The following ARHGEF18 variants were observed in gnomAD, a reference collection of about 807,000 sequenced individuals.
ARHGEF18 encodes rho guanine nucleotide exchange factor 18.
ARHGEF18 carries 93 observed loss-of-function variants against 155.7 expected under a neutral mutation model. The observed-to-expected ratio is 0.60, with a 90% CI of 0.50 to 0.71. ARHGEF18 has a LOEUF of 0.71. ARHGEF18 is among the 30% of genes least tolerant of loss of function. ARHGEF18 has a pLI of 0.00. For missense variants in ARHGEF18, 1,593 were observed against 1,816.1 expected (o/e 0.88, Z 2.23); for synonymous variants, 742 against 753.1 (o/e 0.99, Z 0.24).
At chr19:7,385,837 C>CTCTA (rs1235564813) in intron 10 of ARHGEF18, among the ~76,000 whole-genome samples, 71 of 50,134 alleles carry the variant, frequency 1.4e-3, no homozygotes, top group African/African-American at 5.6e-3. Context: ...CTCTCTATCT[C>CTCTA]TCTCTCTCTC....
rs1219743002 is a variant in ARHGEF18, at chr19:7,464,657, C to T, written c.2871C>T (p.Asp957=). 6.2e-7 allele frequency: 1 copy of T among 1,613,944 alleles called. No individual in the cohort carries two copies. The highest frequency in any genetic ancestry group is 8.5e-7 in the Non-Finnish European group (1 of 1,180,008). Residue 957 remains aspartate (D), a synonymous_variant, in exon 23 of 29, where the codon GAC becomes GAT. Transcript: ENST00000668164. ...NSPDLKLSDS[D]IPGSSEESPQ... is the part of the protein sequence containing the mutation. Reference sequence around the variant, plus strand: ...CGGACTTGAAGCTCAGTGACAGTGACATTCCTGGGAGCTCTGAGGAATCGC... The same window carrying T: ...CGGACTTGAAGCTCAGTGACAGTGATATTCCTGGGAGCTCTGAGGAATCGC...
Position 7,447,178 on chromosome 19 carries a change from A to T in ARHGEF18, c.1737+10A>T, listed in dbSNP as rs777320487. On this transcript the variant is annotated intron_variant, in intron 15 of 28. Transcript: ENST00000668164. ...TCAAAACTTGATCAAGGTAAAAACA[A>T]TTTTTTTTTTTAATCAAAAACTTAT... The T allele has an allele frequency of 8.0e-5, 113 of 1,407,182 alleles. No individual in the cohort carries two copies. Among genetic ancestry groups the T allele is most frequent in the Non-Finnish European group, 1.1e-4 (110 of 1,032,868 alleles). 87.2% of individuals were successfully genotyped at this position (1,407,182 alleles called of 1,614,324 possible).
chr19:7,405,184 C>T (rs1972239753), intron 10 of ARHGEF18, among the ~76,000 whole-genome samples: 1 of 152,170 alleles, frequency 6.6e-6, no homozygotes, highest in Admixed American at 6.5e-5. Flanking sequence ...GTCTCAAACT[C>T]CTGACCTCAG....
At chr19:7,351,305 T>TTTG (rs1969149813) in intron 1 of ARHGEF18, among the ~76,000 whole-genome samples, 6 of 150,422 alleles carry the variant, frequency 4.0e-5, no homozygotes, top group Non-Finnish European at 7.4e-5. Flanking sequence ...AGTGGACTTC[T>TTTG]TTTGTTTGTT....
intron 10 of ARHGEF18, among the ~76,000 whole-genome samples, chr19:7,384,547 TG>T (rs554759107): frequency 1.5e-3 from 234 of 152,336 alleles, no homozygotes; most frequent in Admixed American, 3.4e-3. Context: ...GCAGTGCCAT[TG>T]CTGGCCATGG....
Position 7,471,009 on chromosome 19 carries a change from T to C in ARHGEF18, c.*711T>C, listed in dbSNP as rs899875431. 2.5e-6 allele frequency: 1 copy of C among 393,810 alleles called. No individual in the cohort carries two copies. Among genetic ancestry groups the C allele is most frequent in the African/African-American group, 2.1e-5 (1 of 48,498 alleles). 24.4% of individuals were successfully genotyped at this position (393,810 alleles called of 1,614,324 possible). On this transcript the variant is annotated 3_prime_UTR_variant, in exon 29 of 29. Transcript: ENST00000668164. The surrounding 1 kb of genome is among the most constrained non-coding windows in gnomAD (Gnocchi z 4.4). Reference sequence around the variant, plus strand: ...AAAGGGGCTGACCTTTGCCCCTTTTTACTTGGCATTGGTTTTGAAACCAGC... The same window carrying C: ...AAAGGGGCTGACCTTTGCCCCTTTTCACTTGGCATTGGTTTTGAAACCAGC...
chr19:7,378,684 C>CTTTTTTTTTTTTTTTTTTTTTTTT (rs548305968), intron 6 of ARHGEF18, among the ~76,000 whole-genome samples: 1 of 88,134 alleles, frequency 1.1e-5, no homozygotes, highest in Non-Finnish European at 2.1e-5. Flanking sequence ...ACAATTGTGG[C>CTTTTTTTTTTTTTTTTTTTTTTTT]TTTTTTTTTT....
At chr19:7,469,865 G>A (rs761224946) in intron 27 of ARHGEF18, 39 bp from the exon 28 acceptor site, 15 of 1,602,608 alleles carry the variant, frequency 9.4e-6, no homozygotes, top group South Asian at 1.1e-5. Flanking sequence ...GGGACAGCTG[G>A]CCAGCCTGGA....
At position 7,418,200 on chromosome 19, in the gene ARHGEF18, T is replaced by C. The variant is rs78948298; in HGVS notation, c.968-22144T>C. Among the ~76,000 whole-genome samples the C allele has an allele frequency of 8.7e-3, 1,319 of 152,324 alleles. 15 individuals are homozygous for C. The highest frequency in any genetic ancestry group is 0.017 in the African/African-American group (702 of 41,574). ...TCAGACAGCATTCCAGAATGTTCTC[T>C]ATCACAGCCAACCCCCAGAGAGGGC... On this transcript the variant is annotated intron_variant, in intron 10 of 28. Transcript: ENST00000668164.
At chr19:7,465,408 C>CTTT (rs397859513) in intron 23 of ARHGEF18, among the ~76,000 whole-genome samples, 5 of 133,952 alleles carry the variant, frequency 3.7e-5, no homozygotes, top group Admixed American at 7.6e-5. Flanking sequence ...GGGAGGATCA[C>CTTT]TTTTTTTTTT....
intron 1 of ARHGEF18, among the ~76,000 whole-genome samples, chr19:7,351,705 T>G (rs75989030): frequency 3.8e-4 from 3 of 7,814 alleles, no homozygotes; most frequent in Non-Finnish European, 1.2e-3. Flanking sequence ...TCTCTCTCTC[T>G]TTTTTTTTTT....
intron 10 of ARHGEF18, among the ~76,000 whole-genome samples, chr19:7,438,430 A>G (rs1354460135): frequency 1.5e-5 from 2 of 137,000 alleles, no homozygotes; most frequent in African/African-American, 5.5e-5. Flanking sequence ...TTTATTTTTG[A>G]GACAGAGTTT....
chr19:7,405,936 C>T (rs1972280458), intron 10 of ARHGEF18, among the ~76,000 whole-genome samples: 1 of 152,130 alleles, frequency 6.6e-6, no homozygotes, highest in Non-Finnish European at 1.5e-5. Flanking sequence ...AGTTTACAAG[C>T]TATTGGCACT....
At chr19:7,466,836 A>AAAGAAAAAAAAAAAGG in intron 23 of ARHGEF18, 82 bp from the exon 24 acceptor site, 2 of 1,094,034 alleles carry the variant, frequency 1.8e-6, no homozygotes, top group African/African-American at 3.6e-5. Flanking sequence ...AGTTAAAAAA[A>AAAGAAAAAAAAAAAGG]AAGAAGAAGA....
chr19:7,428,686 A>G (rs1457838329), intron 10 of ARHGEF18, among the ~76,000 whole-genome samples: 1 of 152,050 alleles, frequency 6.6e-6, no homozygotes, highest in Non-Finnish European at 1.5e-5. Flanking sequence ...CAGCCTGGGC[A>G]ACAGAGTGAA....
chr19:7,385,864 TCTCTCTC>T (rs1971002879), intron 10 of ARHGEF18, among the ~76,000 whole-genome samples: 1 of 92,030 alleles, frequency 1.1e-5, no homozygotes, highest in African/African-American at 6.5e-5. Context: ...TCTCTCTCTC[TCTCTCTC>T]CCCCCTCCCT....
chr19:7,477,192 TC>T, downstream of ARHGEF18: 1 of 1,466,558 alleles, frequency 6.8e-7, no homozygotes, highest in East Asian at 2.5e-5. Flanking sequence ...CCTGTGCTCT[TC>T]CGGCAGTGTC....
At chr19:7,477,816 C>T in the ARHGEF18 span, among the ~76,000 whole-genome samples, 7 of 152,160 alleles carry the variant, frequency 4.6e-5, no homozygotes, top group African/African-American at 1.4e-4. Flanking sequence ...GACACAGTGA[C>T]GATAAGCCTG....
At chr19:7,473,670 C>T (rs1047648769), downstream of ARHGEF18, among the ~76,000 whole-genome samples, 14 of 152,056 alleles carry the variant, frequency 9.2e-5, no homozygotes, top group African/African-American at 9.6e-5. Context: ...ATTAGCCGGG[C>T]GTGGTGGCGG....
Sources: gnomAD v4.1 joint callset for allele counts (sites outside exome capture counted in the v4.1 genomes callset) on GRCh38, gnomAD v4.1.1 for gene constraint, Gnocchi (gnomAD v3.1) non-coding constraint, MANE v1.5 for transcripts, NCBI Gene and HGNC (gene_info 2026-07-23, HGNC 2026-07-21) for gene names.